COBL: variants seen among roughly 807,000 people sequenced by gnomAD.
The protein encoded by COBL is protein cordon-bleu.
In COBL, 51 loss-of-function variants were observed where a neutral mutation model predicts 98.8. That is an observed-to-expected ratio of 0.52 (90% CI 0.41 to 0.65). The LOEUF (loss-of-function observed/expected upper bound fraction) is 0.65, where lower values mean the gene tolerates loss of function less well. COBL is among the 30% of genes least tolerant of loss of function. The pLI is 0.00. For missense variants in COBL, 1,617 were observed against 1,617.5 expected, an observed-to-expected ratio of 1.00 and a Z score of 0.01; for synonymous variants, 634 against 651.7, an observed-to-expected ratio of 0.97 and a Z score of 0.41.
chr7:51,231,307 A>T (rs940477071), intron 1 of COBL, among the ~76,000 whole-genome samples: 9 of 152,180 alleles, frequency 5.9e-5, no homozygotes. Context: ...CTAACATGCT[A>T]AAGAGATGAT....
At position 51,214,966 on chromosome 7, in the gene COBL, T is replaced by C. The variant is rs1047567492; in HGVS notation, c.245+4775A>G. ...CAGCCTAGCTTCAAGCAATATTGAA[T>C]GCCCTGCTTCTCACATAAACCGGCA... On this transcript the variant is annotated intron_variant, in intron 2 of 12. Transcript: ENST00000265136. 3.9e-5 allele frequency among the ~76,000 whole-genome samples: 6 copies of C among 152,228 alleles called. No homozygotes were observed. The East Asian group carries it at 7.7e-4, about 20-fold the overall frequency.
intron 7 of COBL, among the ~76,000 whole-genome samples, chr7:51,080,342 T>C (rs1358425716): frequency 6.6e-6 from 1 of 152,224 alleles, no homozygotes; most frequent in Admixed American, 6.5e-5. Context: ...TATTTCTCCT[T>C]TTTAACAACC....
At chr7:51,296,098 G>C (rs1176686157) in intron 1 of COBL, among the ~76,000 whole-genome samples, 2 of 152,168 alleles carry the variant, frequency 1.3e-5, no homozygotes, top group Non-Finnish European at 2.9e-5. Context: ...TGTTCATGAA[G>C]CACTTTGCAC....
chr7:51,122,889 G>C (rs897969053), intron 6 of COBL, among the ~76,000 whole-genome samples: 1 of 151,652 alleles, frequency 6.6e-6, no homozygotes, highest in East Asian at 1.9e-4. Context: ...TGATGCAGGA[G>C]AATCGCTTGA....
chr7:51,215,819 G>A (rs1470951139), intron 2 of COBL, among the ~76,000 whole-genome samples: 1 of 152,248 alleles, frequency 6.6e-6, no homozygotes, highest in Non-Finnish European at 1.5e-5. Context: ...AGAGAGGGAT[G>A]AGGGTCCCTC....
chr7:51,236,018 CA>C (rs34367337), intron 1 of COBL, among the ~76,000 whole-genome samples: 1 of 151,808 alleles, frequency 6.6e-6, no homozygotes, highest in African/African-American at 2.4e-5. Flanking sequence ...ATAATGTTTT[CA>C]AAAAAAACCC....
At chr7:51,066,296 G>C (rs993831) in intron 7 of COBL, among the ~76,000 whole-genome samples, 2 of 152,138 alleles carry the variant, frequency 1.3e-5, no homozygotes, top group African/African-American at 4.8e-5. Context: ...TTGCACATGA[G>C]AGATCCTCCC....
chr7:51,127,868 A>C (rs1016646271), intron 6 of COBL, among the ~76,000 whole-genome samples: 2 of 152,204 alleles, frequency 1.3e-5, no homozygotes, highest in African/African-American at 4.8e-5. Flanking sequence ...AATACCACTC[A>C]TTGTTCTTGA....
At chr7:51,081,749 T>C (rs1793685643) in intron 7 of COBL, among the ~76,000 whole-genome samples, 1 of 152,134 alleles carries the variant, frequency 6.6e-6, no homozygotes, top group Admixed American at 6.5e-5. Context: ...CAGCTATCTT[T>C]CCCTCACTTT....
chr7:51,109,442 C>G (rs767357874), intron 6 of COBL, among the ~76,000 whole-genome samples: 1 of 152,144 alleles, frequency 6.6e-6, no homozygotes, highest in Non-Finnish European at 1.5e-5. Context: ...CCATCTCGCT[C>G]GCCACCTTCA....
intron 1 of COBL, among the ~76,000 whole-genome samples, chr7:51,294,175 C>T (rs1354984077): frequency 6.6e-6 from 1 of 151,490 alleles, no homozygotes; most frequent in Non-Finnish European, 1.5e-5. Context: ...CCTGTAGTCC[C>T]AGCTACTCAG....
chr7:51,251,128 G>C (rs1391343687), intron 1 of COBL, among the ~76,000 whole-genome samples: 3 of 152,120 alleles, frequency 2.0e-5, no homozygotes, highest in African/African-American at 7.2e-5. Context: ...ATCTCGAGCA[G>C]CAACTGTTAA....
chr7:51,230,983 G>A (rs548462912), intron 1 of COBL, among the ~76,000 whole-genome samples: 18 of 152,312 alleles, frequency 1.2e-4, no homozygotes, highest in African/African-American at 4.1e-4. Context: ...TACTACGGGA[G>A]AGAAGACTTT....
intron 6 of COBL, among the ~76,000 whole-genome samples, chr7:51,090,286 C>T (rs1794684020): frequency 6.6e-6 from 1 of 152,152 alleles, no homozygotes; most frequent in Non-Finnish European, 1.5e-5. Context: ...TTTATGAGAA[C>T]TCCAGAAACC....
At chr7:51,173,950 A>C (rs1434212056) in intron 5 of COBL, among the ~76,000 whole-genome samples, 1 of 151,988 alleles carries the variant, frequency 6.6e-6, no homozygotes, top group Non-Finnish European at 1.5e-5. Context: ...CATACCTATA[A>C]TTTTTTTTCC....
chr7:51,263,549 T>C (rs964689007), intron 1 of COBL, among the ~76,000 whole-genome samples: 1 of 152,146 alleles, frequency 6.6e-6, no homozygotes, highest in Non-Finnish European at 1.5e-5. Context: ...TCTTTTTTTT[T>C]TTCACACAGT....
chr7:51,025,748 G>A (rs934077697), intron 11 of COBL, among the ~76,000 whole-genome samples: 2 of 152,210 alleles, frequency 1.3e-5, no homozygotes, highest in African/African-American at 2.4e-5. Flanking sequence ...AACAGACTAA[G>A]GCAGTGACAC....
rs1291294403 is a variant in COBL, at chr7:51,065,804, T to A, written c.1096+19362A>T. ...AGAATGTAACATTATTAGGATAAGG[T>A]CTTTTAAACGATGTTTAAGTTAAAA... On this transcript the variant is annotated intron_variant, in intron 7 of 12. Coordinates refer to ENST00000265136, the MANE Select transcript of COBL (RefSeq NM_015198.5). Among the ~76,000 whole-genome samples, 12 of 152,332 alleles carry A rather than the reference T, an allele frequency of 7.9e-5. No homozygotes were observed. The South Asian group carries it at 2.3e-3, about 29-fold the overall frequency.
At chr7:51,118,155 T>C (rs1406830934) in intron 6 of COBL, among the ~76,000 whole-genome samples, 1 of 152,250 alleles carries the variant, frequency 6.6e-6, no homozygotes, top group Non-Finnish European at 1.5e-5. Flanking sequence ...CACAAGTTAC[T>C]TTCCTGAGTT....
Sources: allele counts gnomAD v4.1 joint callset (sites outside exome capture counted in the v4.1 genomes callset), GRCh38; gene constraint gnomAD v4.1.1; transcripts MANE v1.5; gene names NCBI Gene and HGNC (gene_info 2026-07-23, HGNC 2026-07-21).